PITPNM2: variants seen among roughly 807,000 people sequenced by gnomAD.
PITPNM2 encodes the protein phosphatidylinositol transfer protein membrane associated 2, also known as membrane-associated phosphatidylinositol transfer protein 2.
Under a neutral mutation model 132.2 loss-of-function variants are expected in PITPNM2, and 35 were observed. The observed-to-expected ratio is 0.26, with a 90% CI of 0.20 to 0.35. PITPNM2 has a LOEUF of 0.35. PITPNM2 is among the 10% of genes least tolerant of loss of function. The pLI is 1.00. For synonymous variants in PITPNM2, 738 were observed against 799.2 expected (o/e 0.92, Z 1.29); for missense variants, 1,332 against 1,912.0 (o/e 0.70, Z 5.66).
At chr12:123,042,882 G>C (rs985923408) in intron 2 of PITPNM2, among the ~76,000 whole-genome samples, 2 of 152,060 alleles carry the variant, frequency 1.3e-5, no homozygotes, top group Non-Finnish European at 2.9e-5. Flanking sequence ...GACGGATAAG[G>C]GGCTGTTCTT....
In PITPNM2 at chr12:123,001,237, T is replaced by G. The variant is rs1236827261; in HGVS notation, c.1049-79A>C. 24 of 1,073,898 alleles carry G rather than the reference T, an allele frequency of 2.2e-5. No individual in the cohort carries two copies. The South Asian group carries it at 2.9e-4, about 13-fold the overall frequency. The allele number at this position is 1,073,898 out of a possible 1,614,324, so 66.5% of individuals were successfully genotyped here. A position where few individuals can be genotyped will look rare whatever the true frequency, so the allele number is the denominator to read the frequency against. ...GCTTCCCGAGGTGGGGACGCCCCTG[T>G]GTACGGCTCTGCTCTGACCGTTCCT... is the stretch of plus-strand genomic sequence containing the variant. On this transcript the variant is annotated intron_variant, in intron 8 of 25. Coordinates refer to ENST00000320201, the MANE Select transcript of PITPNM2 (RefSeq NM_020845.3).
chr12:123,005,720 G>T lies in PITPNM2; in HGVS notation c.644-172C>A. ...CAGTTTCCCCATTTGTAAAATAAGG[G>T]GACTGGCTCACAGATAGTCTCACAA... On this transcript the variant is annotated intron_variant, in intron 6 of 25. Transcript: ENST00000320201. The surrounding 1 kb of genome is among the most constrained non-coding windows in gnomAD (Gnocchi z 6.2). 1.6e-6 allele frequency: 1 copy of T among 630,182 alleles called. No homozygotes were observed. Among genetic ancestry groups the T allele is most frequent in the East Asian group, 2.7e-5 (1 of 36,486 alleles). 39.0% of individuals were successfully genotyped at this position (630,182 alleles called of 1,614,324 possible).
At chr12:123,040,879 T>C (rs1301867010) in intron 2 of PITPNM2, among the ~76,000 whole-genome samples, 1 of 152,242 alleles carries the variant, frequency 6.6e-6, no homozygotes. Context: ...ACTCTGTACA[T>C]GTCTGTTTGT....
chr12:123,029,005 C>A (rs1364158567), intron 3 of PITPNM2, among the ~76,000 whole-genome samples: 1 of 152,192 alleles, frequency 6.6e-6, no homozygotes, highest in South Asian at 2.1e-4. Context: ...TCCTGCCCAC[C>A]TGCTCTGCCC....
intron 1 of PITPNM2, among the ~76,000 whole-genome samples, chr12:123,132,207 C>T (rs765720051): frequency 1.3e-5 from 2 of 152,240 alleles, no homozygotes; most frequent in African/African-American, 2.4e-5. Context: ...AGGACATGCC[C>T]AACGTCAGGT....
At chr12:123,057,129 C>G (rs541721856) in intron 2 of PITPNM2, among the ~76,000 whole-genome samples, 79 of 152,188 alleles carry the variant, frequency 5.2e-4, no homozygotes, top group Non-Finnish European at 8.8e-4. Context: ...GCCTGCAATC[C>G]CAGCACTTTG....
At chr12:123,048,416 T>G (rs1281292396) in intron 2 of PITPNM2, among the ~76,000 whole-genome samples, 1 of 151,640 alleles carries the variant, frequency 6.6e-6, no homozygotes, top group African/African-American at 2.4e-5. Flanking sequence ...TTTTTGTTTT[T>G]TTTTTTTGAG....
chr12:123,102,688 A>T (rs563265211), intron 2 of PITPNM2, among the ~76,000 whole-genome samples: 43 of 152,310 alleles, frequency 2.8e-4, no homozygotes, highest in African/African-American at 9.6e-4. Flanking sequence ...AGGAAACCTT[A>T]AAGCTTGTCA....
At chr12:123,027,209 C>A (rs2039895542) in intron 3 of PITPNM2, among the ~76,000 whole-genome samples, 1 of 152,202 alleles carries the variant, frequency 6.6e-6, no homozygotes, top group African/African-American at 2.4e-5. Flanking sequence ...GTCACCAGCA[C>A]TTTCCCCAGT....
chr12:123,017,421 A>T (rs2039471071), intron 3 of PITPNM2, among the ~76,000 whole-genome samples: 3 of 152,158 alleles, frequency 2.0e-5, no homozygotes. Context: ...ACATAGCATT[A>T]CCATATGACC....
intron 16 of PITPNM2, 75 bp from the exon 17 acceptor site, chr12:122,990,784 G>A (rs1182488464): frequency 6.8e-7 from 1 of 1,465,162 alleles, no homozygotes; most frequent in African/African-American, 1.4e-5. Flanking sequence ...AAGCCAGTGT[G>A]CCAGGGTCCA....
At position 122,989,879 on chromosome 12, in the gene PITPNM2, C is replaced by CGGGGGGGGGGGGGGG; in HGVS notation, c.2638_2639insCCCCCCCCCCCCCCC (p.Ser880delinsThrProProProProArg). 4 of 324,466 alleles carry CGGGGGGGGGGGGGGG rather than the reference C, an allele frequency of 1.2e-5. No homozygotes were observed. The highest frequency in any genetic ancestry group is 1.5e-5 in the Non-Finnish European group (3 of 198,116). 20.1% of individuals were successfully genotyped at this position (324,466 alleles called of 1,614,324 possible). On this transcript the variant is annotated protein_altering_variant, in exon 18 of 26. Coordinates refer to ENST00000320201, the MANE Select transcript of PITPNM2 (RefSeq NM_020845.3). ...AGGGTGGGGGCCAGGGGTGGTGGGG[C>CGGGGGGGGGGGGGGG]TGGGGGCGGGCAGGGCGAGCAGGGA... is the stretch of plus-strand genomic sequence containing the variant.
intron 2 of PITPNM2, among the ~76,000 whole-genome samples, chr12:123,072,975 G>A (rs544601699): frequency 1.3e-5 from 2 of 152,336 alleles, no homozygotes; most frequent in African/African-American, 2.4e-5. Flanking sequence ...TGTTTAGGGA[G>A]AGCCCTGCCT....
chr12:122,995,067 C>G (rs950248151), intron 14 of PITPNM2, 88 bp from the exon 15 acceptor site: 68 of 1,376,972 alleles, frequency 4.9e-5, no homozygotes, highest in Non-Finnish European at 6.0e-5. Flanking sequence ...GTCCCAACCT[C>G]TCTCGGGGGC....
chr12:123,054,868 A>G (rs1226202318), intron 2 of PITPNM2, among the ~76,000 whole-genome samples: 3 of 152,208 alleles, frequency 2.0e-5, no homozygotes, highest in African/African-American at 7.2e-5. Flanking sequence ...GTTTAAGATC[A>G]GCCTAGACAA....
Position 123,106,220 on chromosome 12 carries a change from T to C in PITPNM2, c.-96+4165A>G, listed in dbSNP as rs894231479. On this transcript the variant is annotated intron_variant, in intron 2 of 25. Transcript: ENST00000320201. The surrounding 1 kb of genome is among the most constrained non-coding windows in gnomAD (Gnocchi z 4.4). ...AGGAATGCAGGCTTCTGCCACCTTG[T>C]TGAAAGTAAAATACATTCTGGGCCA... is the stretch of plus-strand genomic sequence containing the variant. 6.6e-6 allele frequency among the ~76,000 whole-genome samples: 1 copy of C among 152,176 alleles called. No individual in the cohort carries two copies. Among genetic ancestry groups the C allele is most frequent in the Admixed American group, 6.5e-5 (1 of 15,280 alleles).
chr12:123,014,011 C>G lies in PITPNM2; in HGVS notation c.110G>C (p.Gly37Ala). ...GTTCTCCAGGATCTCCACGCCGCTGCCTTCGCCATATGTCTCGTTACGGCT... is the reference window on the plus strand; with the variant it reads ...GTTCTCCAGGATCTCCACGCCGCTGGCTTCGCCATATGTCTCGTTACGGCT... ...KKSRNETYGE[G>A]SGVEILENRP... Residue 37 changes from glycine (G) to alanine (A), a missense_variant, in exon 4 of 26, where the codon GGC becomes GCC. Gly to Ala is a moderately conservative substitution (Grantham distance 60). This residue lies in a region of PITPNM2 where 83 missense variants were observed against 118.7 expected (regional missense o/e 0.70). Coordinates refer to ENST00000320201, the MANE Select transcript of PITPNM2 (RefSeq NM_020845.3). 1 of 1,614,242 alleles carries G rather than the reference C, an allele frequency of 6.2e-7. No individual in the cohort carries two copies. Among genetic ancestry groups the G allele is most frequent in the Non-Finnish European group, 8.5e-7 (1 of 1,180,044 alleles).
At chr12:123,138,508 T>C (rs2043431452) in intron 1 of PITPNM2, among the ~76,000 whole-genome samples, 1 of 152,142 alleles carries the variant, frequency 6.6e-6, no homozygotes, top group African/African-American at 2.4e-5. Context: ...AGGAATGAAG[T>C]ACTGATCCAT....
intron 4 of PITPNM2, 124 bp from the exon 5 acceptor site, chr12:123,012,858 G>T (rs1443855857): frequency 3.7e-5 from 49 of 1,336,590 alleles, no homozygotes; most frequent in African/African-American, 2.9e-5. Context: ...AGGGTGGAGG[G>T]TAGCCGAGAC....
Sources: gnomAD v4.1 joint callset for allele counts (sites outside exome capture counted in the v4.1 genomes callset) on GRCh38, gnomAD v4.1.1 for gene constraint, gnomAD v4.1.1 regional missense constraint, Gnocchi (gnomAD v3.1) non-coding constraint, MANE v1.5 for transcripts, NCBI Gene and HGNC (gene_info 2026-07-23, HGNC 2026-07-21) for gene names.